TRPM7: variants seen among roughly 807,000 people sequenced by gnomAD.
TRPM7 encodes the protein LTRPC ion channel family member 7.
TRPM7 carries 134 observed loss-of-function variants against 229.7 expected under a neutral mutation model. The observed-to-expected ratio is 0.58, with a 90% CI of 0.51 to 0.67. The LOEUF (loss-of-function observed/expected upper bound fraction) is 0.67, where lower values mean the gene tolerates loss of function less well. Ranked by LOEUF, TRPM7 falls within the 30% of genes least tolerant of loss-of-function variation. The probability of loss-of-function intolerance (pLI) is 0.00; values close to 1 mark genes in which losing one functional copy is unlikely to be tolerated. For synonymous variants in TRPM7, 699 were observed against 715.2 expected, an observed-to-expected ratio of 0.98 and a Z score of 0.36; for missense variants, 1,901 against 2,210.0, an observed-to-expected ratio of 0.86 and a Z score of 2.80.
At chr15:50,597,912 C>A (rs1596143826) in intron 22 of TRPM7, among the ~76,000 whole-genome samples, 1 of 151,488 alleles carries the variant, frequency 6.6e-6, no homozygotes, top group African/African-American at 2.4e-5. Flanking sequence ...CGGTGAGACT[C>A]GGTCTCAAAA....
chr15:50,571,899 G>A (rs1350392798), intron 36 of TRPM7, among the ~76,000 whole-genome samples: 1 of 152,220 alleles, frequency 6.6e-6, no homozygotes, highest in African/African-American at 2.4e-5. Flanking sequence ...GGTTTGAGAA[G>A]GTTCACTCCA....
chr15:50,678,248 A>AC (rs2062143718), intron 1 of TRPM7, among the ~76,000 whole-genome samples: 1 of 126,104 alleles, frequency 7.9e-6, no homozygotes, highest in South Asian at 2.4e-4. Context: ...TCAAAAAAAA[A>AC]AAACAAAAAC....
chr15:50,569,316 G>T (rs1428515743), intron 38 of TRPM7, among the ~76,000 whole-genome samples: 2 of 152,156 alleles, frequency 1.3e-5, no homozygotes, highest in African/African-American at 2.4e-5. Context: ...TGCATACAAA[G>T]ATGATGTTAA....
intron 1 of TRPM7, among the ~76,000 whole-genome samples, chr15:50,664,221 C>T (rs531320977): frequency 6.7e-6 from 1 of 148,278 alleles, no homozygotes; most frequent in East Asian, 2.0e-4. Flanking sequence ...TCGCTTGAAC[C>T]AGGGAGTGAA....
intron 13 of TRPM7, among the ~76,000 whole-genome samples, chr15:50,615,188 AAAG>A (rs2060190357): frequency 6.8e-6 from 1 of 146,142 alleles, no homozygotes; most frequent in South Asian, 2.2e-4. Flanking sequence ...AAAAAAAAAA[AAAG>A]AGACAGTGGA....
chr15:50,570,005 G>A lies in TRPM7; in HGVS notation c.5361-12C>T. On this transcript the variant is annotated splice_polypyrimidine_tract_variant and intron_variant, in intron 37 of 38. Transcript: ENST00000646667. ...CCATATCACAGGATCTGTAGAATTG[G>A]TAATTTTAAAAAAAACAACAAAAAA... 6.3e-7 allele frequency: 1 copy of A among 1,593,552 alleles called. No homozygotes were observed. Among genetic ancestry groups the A allele is most frequent in the Non-Finnish European group, 8.5e-7 (1 of 1,170,930 alleles).
intron 21 of TRPM7, among the ~76,000 whole-genome samples, chr15:50,603,226 GA>G (rs1441617836): frequency 6.6e-6 from 1 of 152,088 alleles, no homozygotes; most frequent in Admixed American, 6.6e-5. Flanking sequence ...TTTATATTTA[GA>G]AAACCTAAAA....
At chr15:50,686,481 G>A (rs2062363442) in intron 1 of TRPM7, 50 bp downstream of exon 1, 1 of 1,613,804 alleles carries the variant, frequency 6.2e-7, no homozygotes, top group Non-Finnish European at 8.5e-7. Flanking sequence ...CTCCTTTACC[G>A]CCCGCAACCC....
At chr15:50,571,308 C>T (rs1246969008) in intron 36 of TRPM7, among the ~76,000 whole-genome samples, 1 of 152,188 alleles carries the variant, frequency 6.6e-6, no homozygotes, top group Non-Finnish European at 1.5e-5. Flanking sequence ...TGGGAAAGTA[C>T]TCTGGCAGTT....
At chr15:50,599,029 G>C in intron 22 of TRPM7, 93 bp downstream of exon 22, 2 of 980,804 alleles carry the variant, frequency 2.0e-6, no homozygotes, top group Admixed American at 2.4e-5. Flanking sequence ...GTAATAGTTT[G>C]ACTTCTGAAA....
rs138866034 is a variant in TRPM7, at chr15:50,670,709, C to A, written c.4-7663G>T. Among the ~76,000 whole-genome samples, 375 of 151,796 alleles carry A rather than the reference C, an allele frequency of 2.5e-3. 2 individuals are homozygous for A. Among genetic ancestry groups the A allele is most frequent in the African/African-American group, 8.6e-3 (357 of 41,366 alleles). On this transcript the variant is annotated intron_variant, in intron 1 of 38. Transcript: ENST00000646667. Reference sequence around the variant, plus strand: ...AGGAAATAACCATAAAAGTGGGCAACCAGCAGCCCTCAGGACTGCTCAACC... The same window carrying A: ...AGGAAATAACCATAAAAGTGGGCAAACAGCAGCCCTCAGGACTGCTCAACC...
chr15:50,660,528 G>A, intron 2 of TRPM7, among the ~76,000 whole-genome samples: 1 of 152,118 alleles, frequency 6.6e-6, no homozygotes, highest in East Asian at 1.9e-4. Context: ...GGTAGCGCAT[G>A]CCTATAGTCC....
chr15:50,636,207 A>G (rs138940665), intron 7 of TRPM7, among the ~76,000 whole-genome samples: 14 of 149,052 alleles, frequency 9.4e-5, no homozygotes, highest in Non-Finnish European at 1.2e-4. Context: ...TTTTTTTGCA[A>G]TGGAGTCTTG....
intron 12 of TRPM7, among the ~76,000 whole-genome samples, chr15:50,622,606 C>T (rs1247631215): frequency 2.0e-5 from 3 of 152,232 alleles, no homozygotes; most frequent in Non-Finnish European, 4.4e-5. Flanking sequence ...ATAATGGAAG[C>T]TGGGCCCAGT....
At chr15:50,623,006 G>C (rs1017488922) in intron 12 of TRPM7, among the ~76,000 whole-genome samples, 1 of 152,200 alleles carries the variant, frequency 6.6e-6, no homozygotes, top group Non-Finnish European at 1.5e-5. Context: ...GGAACCAGTG[G>C]CATGGCATTT....
chr15:50,648,976 G>A, intron 3 of TRPM7, 91 bp from the exon 4 acceptor site: 1 of 934,480 alleles, frequency 1.1e-6, no homozygotes, highest in Non-Finnish European at 1.5e-6. Context: ...ACAAATATAA[G>A]CTTTAAAATT....
chr15:50,592,273 T>A lies in TRPM7; in HGVS notation c.3962A>T (p.Asp1321Val), dbSNP rs749739763. The change falls in exon 26 of 39, where the codon GAT becomes GTT. Residue 1321 changes from aspartate (D) to valine (V), a missense_variant. Coordinates refer to ENST00000646667, the MANE Select transcript of TRPM7 (RefSeq NM_017672.6). ...NPFHCNILMK[D>V]DKDPQCNIFG... is the part of the protein sequence containing the mutation. Reference sequence around the variant, plus strand: ...TATATTACACTGGGGATCTTTGTCATCTTTCATTAAAATATTACAATGAAA... The same window carrying A: ...TATATTACACTGGGGATCTTTGTCAACTTTCATTAAAATATTACAATGAAA... 1 of 1,613,902 alleles carries A rather than the reference T, an allele frequency of 6.2e-7. No individual in the cohort carries two copies. Among genetic ancestry groups the A allele is most frequent in the Admixed American group, 1.7e-5 (1 of 59,968 alleles).
intron 16 of TRPM7, among the ~76,000 whole-genome samples, chr15:50,611,639 T>C (rs1269177941): frequency 1.3e-5 from 2 of 152,192 alleles, no homozygotes; most frequent in Non-Finnish European, 2.9e-5. Context: ...AAAGTTTATG[T>C]AGTATTTCAA....
At chr15:50,596,992 T>C (rs940885572) in intron 22 of TRPM7, among the ~76,000 whole-genome samples, 6 of 152,162 alleles carry the variant, frequency 3.9e-5, no homozygotes, top group Non-Finnish European at 2.9e-5. Flanking sequence ...TCGTGATCTG[T>C]CAGCCTCAGC....
Sources: allele counts gnomAD v4.1 joint callset (sites outside exome capture counted in the v4.1 genomes callset), GRCh38; gene constraint gnomAD v4.1.1; transcripts MANE v1.5; gene names NCBI Gene and HGNC (gene_info 2026-07-23, HGNC 2026-07-21).